SCFD2: variants seen among roughly 807,000 people sequenced by gnomAD.
SCFD2 encodes sec1 family domain containing 2, also known as sec1 family domain-containing protein 2.
A neutral mutation model predicts 58.9 loss-of-function variants in SCFD2; 54 were observed. The ratio of observed to expected loss-of-function variants is 0.92; its 90% CI spans 0.74 to 1.15. The LOEUF (loss-of-function observed/expected upper bound fraction) is 1.15. SCFD2 is among the 50% of genes most tolerant of loss of function. SCFD2 has a pLI of 0.00. For synonymous variants in SCFD2, 321 were observed against 335.9 expected, an observed-to-expected ratio of 0.96 and a Z score of 0.49; for missense variants, 805 against 836.6, an observed-to-expected ratio of 0.96 and a Z score of 0.47.
intron 4 of SCFD2, among the ~76,000 whole-genome samples, chr4:53,258,573 T>C (rs1226106726): frequency 5.5e-4 from 74 of 134,446 alleles, no homozygotes; most frequent in Middle Eastern, 3.8e-3. Flanking sequence ...TATATATATA[T>C]ATATACACAC....
At chr4:53,181,662 C>T (rs367725799) in intron 4 of SCFD2, among the ~76,000 whole-genome samples, 8 of 152,234 alleles carry the variant, frequency 5.3e-5, no homozygotes, top group East Asian at 1.9e-4. Context: ...CCAGGGCAAT[C>T]AGGCAGGAGA....
At position 53,185,404 on chromosome 4, in the gene SCFD2, A is replaced by G. The variant is rs187259593; in HGVS notation, c.1312-39822T>C. Among the ~76,000 whole-genome samples the G allele has an allele frequency of 4.3e-3, 658 of 152,162 alleles. 26 individuals are homozygous for G. The highest frequency in any genetic ancestry group is 0.038 in the Admixed American group (581 of 15,254). ...ACTCTTAGCTGCTTTGAATTATAAT[A>G]ATAATTATAACGCATTTATTTCATT... On this transcript the variant is annotated intron_variant, in intron 4 of 8. Transcript: ENST00000401642.
chr4:53,098,678 T>G lies in SCFD2; in HGVS notation c.1561+46655A>C, dbSNP rs140473328. 3.5e-3 allele frequency among the ~76,000 whole-genome samples: 534 copies of G among 152,172 alleles called. 2 individuals carry two copies. The highest frequency in any genetic ancestry group is 5.9e-3 in the Non-Finnish European group (398 of 67,992). On this transcript the variant is annotated intron_variant, in intron 5 of 8. Coordinates refer to ENST00000401642, the MANE Select transcript of SCFD2 (RefSeq NM_152540.4). ...AGCCACTTGGTTATCTCCTCAGTAC[T>G]TTAAGATCAATGAGCCTCTTCCCTG...
intron 5 of SCFD2, among the ~76,000 whole-genome samples, chr4:53,022,473 T>G (rs1207179227): frequency 6.6e-6 from 1 of 152,180 alleles, no homozygotes; most frequent in Non-Finnish European, 1.5e-5. Context: ...ATATCTGTAT[T>G]TATAGTATCA....
At chr4:53,055,909 C>T (rs549098271) in intron 5 of SCFD2, among the ~76,000 whole-genome samples, 1 of 152,256 alleles carries the variant, frequency 6.6e-6, no homozygotes, top group East Asian at 1.9e-4. Flanking sequence ...GAGCAGACCA[C>T]CATCAGAAGA....
chr4:53,270,375 A>T (rs750787881), intron 4 of SCFD2, among the ~76,000 whole-genome samples: 22 of 152,228 alleles, frequency 1.4e-4, no homozygotes, highest in Non-Finnish European at 2.6e-4. Context: ...AGTCTGATTA[A>T]AAACAAAACA....
chr4:53,298,862 C>G (rs1176965984), intron 3 of SCFD2, among the ~76,000 whole-genome samples: 1 of 152,160 alleles, frequency 6.6e-6, no homozygotes, highest in African/African-American at 2.4e-5. Flanking sequence ...CAGTAAACTC[C>G]CACAGACCTG....
At chr4:53,279,445 G>C (rs1731439538) in intron 3 of SCFD2, among the ~76,000 whole-genome samples, 2 of 152,156 alleles carry the variant, frequency 1.3e-5, no homozygotes, top group African/African-American at 2.4e-5. Context: ...AGAGAAACAG[G>C]CTTCTGGTTT....
chr4:53,274,917 T>C (rs1357117327), intron 3 of SCFD2, among the ~76,000 whole-genome samples: 1 of 152,260 alleles, frequency 6.6e-6, no homozygotes, highest in East Asian at 1.9e-4. Flanking sequence ...GTTTCACCCA[T>C]GCCATGTTTG....
intron 5 of SCFD2, among the ~76,000 whole-genome samples, chr4:53,081,830 T>C (rs1161161642): frequency 6.6e-6 from 1 of 152,106 alleles, no homozygotes; most frequent in Non-Finnish European, 1.5e-5. Flanking sequence ...ATTCCCCATG[T>C]CCCTCTCTTC....
chr4:53,172,501 C>A (rs966996118), intron 4 of SCFD2, among the ~76,000 whole-genome samples: 10 of 152,258 alleles, frequency 6.6e-5, no homozygotes, highest in African/African-American at 2.4e-4. Context: ...CCTATTAGAG[C>A]TACTTTTACT....
At chr4:53,109,903 T>C (rs986546570) in intron 5 of SCFD2, among the ~76,000 whole-genome samples, 2 of 152,092 alleles carry the variant, frequency 1.3e-5, no homozygotes, top group Non-Finnish European at 2.9e-5. Flanking sequence ...AGAGCCTGTA[T>C]AGCCAAGACA....
intron 5 of SCFD2, among the ~76,000 whole-genome samples, chr4:53,098,239 T>C (rs190422452): frequency 3.9e-5 from 6 of 152,322 alleles, no homozygotes; most frequent in Admixed American, 6.5e-5. Flanking sequence ...ATAAAATGAG[T>C]TAGGGAGGAT....
chr4:53,291,628 A>G (rs569397993), intron 3 of SCFD2, among the ~76,000 whole-genome samples: 1 of 152,214 alleles, frequency 6.6e-6, no homozygotes, highest in South Asian at 2.1e-4. Context: ...AAAAAAAACT[A>G]TTTTAAAATT....
At chr4:53,305,323 T>C (rs1460774909) in intron 3 of SCFD2, among the ~76,000 whole-genome samples, 1 of 152,212 alleles carries the variant, frequency 6.6e-6, no homozygotes, top group Non-Finnish European at 1.5e-5. Context: ...TATTTTTGTA[T>C]ATAGTGTAAC....
At chr4:53,332,446 C>T (rs71628003) in intron 2 of SCFD2, among the ~76,000 whole-genome samples, 41 of 151,802 alleles carry the variant, frequency 2.7e-4, no homozygotes, top group Admixed American at 9.2e-4. Flanking sequence ...GTTCAATATA[C>T]GCAAATCAAT....
In SCFD2 at chr4:52,886,012, G is replaced by A. The variant is rs1718731715; in HGVS notation, c.1843-146C>T. 4 of 975,800 alleles carry A rather than the reference G, an allele frequency of 4.1e-6. No individual in the cohort carries two copies. The African/African-American group carries it at 6.6e-5, about 16-fold the overall frequency. 60.4% of individuals were successfully genotyped at this position (975,800 alleles called of 1,614,324 possible). ...GGCAGACAAATCCTAGGCAGACAGG[G>A]GTGGGTCCCTGGTGAAACCTGATGA... On this transcript the variant is annotated intron_variant, in intron 7 of 8. Transcript: ENST00000401642.
In SCFD2 at chr4:52,874,004, C is replaced by A. The variant is rs1380765868; in HGVS notation, c.2020G>T (p.Ala674Ser). ...KPLNIPELLF[A>S]TDRLHPDLGF ...AGGTCTGGATGCAGTCGGTCAGTTGCAAATAACAGCTCAGGAATGTTAAGT... is the reference window on the plus strand; with the variant it reads ...AGGTCTGGATGCAGTCGGTCAGTTGAAAATAACAGCTCAGGAATGTTAAGT... Residue 674 changes from alanine to serine, a missense_variant, in exon 9 of 9, where the codon GCA becomes TCA. By Grantham distance (99) the Ala-to-Ser change is moderately conservative. Coordinates refer to ENST00000401642, the MANE Select transcript of SCFD2 (RefSeq NM_152540.4). The A allele has an allele frequency of 1.2e-6, 2 of 1,614,028 alleles. No homozygotes were observed. The highest frequency in any genetic ancestry group is 8.5e-7 in the Non-Finnish European group (1 of 1,179,966).
chr4:53,303,618 T>G (rs1035180493), intron 3 of SCFD2, among the ~76,000 whole-genome samples: 2 of 152,084 alleles, frequency 1.3e-5, no homozygotes, highest in Admixed American at 1.3e-4. Context: ...ACCCAAAGGA[T>G]TAGAAATCAT....
Sources: gnomAD v4.1 joint callset for allele counts (sites outside exome capture counted in the v4.1 genomes callset) on GRCh38, gnomAD v4.1.1 for gene constraint, MANE v1.5 for transcripts, NCBI Gene and HGNC (gene_info 2026-07-23, HGNC 2026-07-21) for gene names.